The following CA10 variants were observed in gnomAD, a reference collection of about 807,000 sequenced individuals.
The protein encoded by CA10 is carbonic anhydrase 10 (inactive).
In CA10, 14 loss-of-function variants were observed where a neutral mutation model predicts 44.2. The ratio of observed to expected loss-of-function variants is 0.32; its 90% CI spans 0.21 to 0.50. The LOEUF is 0.50. Among genes scored for constraint, CA10 ranks in the 20% least tolerant of loss-of-function variants. The probability of loss-of-function intolerance (pLI) is 0.99; values close to 1 mark genes in which losing one functional copy is unlikely to be tolerated. For missense variants in CA10, 350 were observed against 409.7 expected (o/e 0.85, Z 1.26); for synonymous variants, 159 against 141.6 (o/e 1.12, Z -0.87).
chr17:51,926,364 G>A (rs1035887923), intron 3 of CA10, among the ~76,000 whole-genome samples: 5 of 152,064 alleles, frequency 3.3e-5, no homozygotes, highest in African/African-American at 1.2e-4. Flanking sequence ...ATGCCAAAAA[G>A]TTTTAAAAAT....
chr17:51,952,170 G>C (rs1200598032), intron 2 of CA10, among the ~76,000 whole-genome samples: 2 of 152,158 alleles, frequency 1.3e-5, no homozygotes, highest in Non-Finnish European at 2.9e-5. Context: ...AATGGCGTTT[G>C]TATTTCCCTC....
intron 2 of CA10, among the ~76,000 whole-genome samples, chr17:51,994,603 T>C (rs1396583573): frequency 6.6e-6 from 1 of 152,006 alleles, no homozygotes; most frequent in African/African-American, 2.4e-5. Flanking sequence ...GTCCAGAAAC[T>C]TCTCATCAAT....
At chr17:51,761,404 G>C (rs1161276147) in intron 3 of CA10, 2 of 152,160 alleles carry the variant, frequency 1.3e-5, no homozygotes, top group Non-Finnish European at 1.5e-5. Flanking sequence ...AATACATAAT[G>C]TGTCCCATTA....
intron 3 of CA10, among the ~76,000 whole-genome samples, chr17:51,788,612 T>C (rs960442301): frequency 6.6e-6 from 1 of 152,200 alleles, no homozygotes; most frequent in African/African-American, 2.4e-5. Flanking sequence ...CGTGCAATTA[T>C]TATGTATCAG....
chr17:51,686,410 C>G (rs1476886057), intron 4 of CA10, among the ~76,000 whole-genome samples: 1 of 152,188 alleles, frequency 6.6e-6, no homozygotes, highest in East Asian at 1.9e-4. Flanking sequence ...ACCAAAGTAT[C>G]TCAATCAGTC....
chr17:51,822,804 AG>A (rs1031020394), intron 3 of CA10, among the ~76,000 whole-genome samples: 2 of 152,188 alleles, frequency 1.3e-5, no homozygotes, highest in African/African-American at 4.8e-5. Context: ...GCAGAAAAGG[AG>A]GGAAGAAGGT....
intron 3 of CA10, among the ~76,000 whole-genome samples, chr17:51,877,224 T>G (rs1980121026): frequency 6.6e-6 from 1 of 152,184 alleles, no homozygotes; most frequent in African/African-American, 2.4e-5. Context: ...TGAGTAGAAA[T>G]GACATGGAAG....
At chr17:51,800,341 G>A (rs2143715856) in intron 3 of CA10, among the ~76,000 whole-genome samples, 1 of 152,234 alleles carries the variant, frequency 6.6e-6, no homozygotes, top group Admixed American at 6.5e-5. Context: ...AAGTCTGGGT[G>A]GGTCAGAGGG....
intron 4 of CA10, among the ~76,000 whole-genome samples, chr17:51,682,681 T>G (rs1479018556): frequency 1.3e-5 from 2 of 152,212 alleles, no homozygotes. Context: ...TGGCCATATA[T>G]TCTATGAGAA....
At chr17:51,958,260 T>G (rs1345394736) in intron 2 of CA10, among the ~76,000 whole-genome samples, 2 of 39,342 alleles carry the variant, frequency 5.1e-5, no homozygotes, top group African/African-American at 3.8e-4. Context: ...TAACTGAGTT[T>G]TTTTTTTTTT....
In CA10 at chr17:51,631,330, GTGTGTGTGTAGGTATGTTTGCA is replaced by G; in HGVS notation, c.*232_*253del. 1 of 497,270 alleles carries G rather than the reference GTGTGTGTGTAGGTATGTTTGCA, an allele frequency of 2.0e-6. No homozygotes were observed. Among genetic ancestry groups the G allele is most frequent in the South Asian group, 3.0e-5 (1 of 33,256 alleles). 30.8% of individuals were successfully genotyped at this position (497,270 alleles called of 1,614,324 possible). Reference sequence around the variant, plus strand: ...CCCATGATGGAGGTTGTAAGAGTGTGTGTGTGTGTAGGTATGTTTGCATGTGTTTGTATGTATGTGCAAGTGC... The same window carrying G: ...CCCATGATGGAGGTTGTAAGAGTGTGTGTGTTTGTATGTATGTGCAAGTGC... On this transcript the variant is annotated 3_prime_UTR_variant, in exon 9 of 9. Transcript: ENST00000451037.
chr17:51,959,005 T>C (rs1379687485), intron 2 of CA10, among the ~76,000 whole-genome samples: 1 of 152,038 alleles, frequency 6.6e-6, no homozygotes, highest in East Asian at 1.9e-4. Context: ...GGTATTAAGC[T>C]TAAAGGTATT....
chr17:52,119,603 A>G (rs1988969465), intron 1 of CA10, among the ~76,000 whole-genome samples: 1 of 152,226 alleles, frequency 6.6e-6, no homozygotes, highest in Admixed American at 6.5e-5. Flanking sequence ...AAAAAAGAAG[A>G]AAAAGTCTTA....
intron 4 of CA10, among the ~76,000 whole-genome samples, chr17:51,717,826 T>TATATATATAC (rs796143661): frequency 5.2e-4 from 10 of 19,354 alleles, no homozygotes; most frequent in South Asian, 1.7e-3. Flanking sequence ...TATATATGTG[T>TATATATATAC]GTGTATATAT....
At chr17:51,908,728 T>A (rs1204864320) in intron 3 of CA10, among the ~76,000 whole-genome samples, 1 of 152,164 alleles carries the variant, frequency 6.6e-6, no homozygotes, top group Non-Finnish European at 1.5e-5. Flanking sequence ...AAAAGCCAGT[T>A]CAGATAAGGA....
chr17:52,091,911 A>G (rs1988276603), intron 1 of CA10, among the ~76,000 whole-genome samples: 1 of 152,182 alleles, frequency 6.6e-6, no homozygotes, highest in Non-Finnish European at 1.5e-5. Flanking sequence ...GAGGTTTTAT[A>G]AGCCATGGGT....
At chr17:51,649,599 T>A (rs1204629223) in intron 5 of CA10, among the ~76,000 whole-genome samples, 1 of 151,248 alleles carries the variant, frequency 6.6e-6, no homozygotes, top group Non-Finnish European at 1.5e-5. Flanking sequence ...GGTGATAGAG[T>A]GTGAAAAGGG....
intron 2 of CA10, among the ~76,000 whole-genome samples, chr17:51,941,589 C>T (rs914318376): frequency 5.3e-5 from 8 of 152,106 alleles, no homozygotes; most frequent in Admixed American, 3.3e-4. Flanking sequence ...CTGAAGAAAA[C>T]GACCAGGCTG....
chr17:51,704,217 CATTT>C (rs1431968493), intron 4 of CA10, among the ~76,000 whole-genome samples: 2 of 152,148 alleles, frequency 1.3e-5, no homozygotes, highest in African/African-American at 4.8e-5. Flanking sequence ...TTCTTCCGGC[CATTT>C]ATTTATCCAT....
Sources: gnomAD v4.1 joint callset for allele counts (sites outside exome capture counted in the v4.1 genomes callset) on GRCh38, gnomAD v4.1.1 for gene constraint, MANE v1.5 for transcripts, NCBI Gene and HGNC (gene_info 2026-07-23, HGNC 2026-07-21) for gene names.